The following ZNF79 variants were observed in gnomAD, a reference collection of about 807,000 sequenced individuals.
The protein encoded by ZNF79 is zinc finger protein 79, also known as ZNFpT7.
Under a neutral mutation model 14.9 loss-of-function variants are expected in ZNF79, and 13 were observed. That is an observed-to-expected ratio of 0.87 (90% CI 0.57 to 1.38). The LOEUF (loss-of-function observed/expected upper bound fraction) is 1.38. Among genes scored for constraint, ZNF79 ranks in the 40% most tolerant of loss-of-function variants. The pLI is 0.00. For synonymous variants in ZNF79, 223 were observed against 235.1 expected, an observed-to-expected ratio of 0.95 and a Z score of 0.47; for missense variants, 631 against 630.6, an observed-to-expected ratio of 1.00 and a Z score of -0.01.
At chr9:127,426,080 A>G (rs1192359066) in intron 1 of ZNF79, among the ~76,000 whole-genome samples, 6 of 152,234 alleles carry the variant, frequency 3.9e-5, no homozygotes, top group Admixed American at 3.3e-4. Flanking sequence ...GGTCTGTCCT[A>G]AGATCAGGAT....
chr9:127,434,941 C>A, intron 2 of ZNF79, 149 bp from the exon 3 acceptor site: 1 of 883,054 alleles, frequency 1.1e-6, no homozygotes, highest in Non-Finnish European at 1.7e-6. Context: ...CAGGCGTGAG[C>A]CACCGCACCT....
At chr9:127,435,320 G>A (rs930846372) in intron 3 of ZNF79, 104 bp downstream of exon 3, 2 of 1,324,774 alleles carry the variant, frequency 1.5e-6, no homozygotes, top group East Asian at 2.6e-5. Flanking sequence ...ATGTACCAGA[G>A]GGATGGTGTT....
Position 127,435,953 on chromosome 9 carries a change from G to A in ZNF79, c.278G>A (p.Arg93Lys), listed in dbSNP as rs1342475344. 6.8e-6 allele frequency: 11 copies of A among 1,614,122 alleles called. No homozygotes were observed. The highest frequency in any genetic ancestry group is 8.5e-6 in the Non-Finnish European group (10 of 1,180,046). Residue 93 changes from arginine to lysine, a missense_variant, in exon 4 of 5, where the codon AGG (arginine) becomes AAG (lysine). Transcript: ENST00000342483. ...GGCATGAACTCCCAGTTGGAACAAA[G>A]GGAAGGCGCATGGATGCTGGAGGGC... The part of the protein sequence containing the change: ...QPGMNSQLEQ[R>K]EGAWMLEGED...
intron 2 of ZNF79, among the ~76,000 whole-genome samples, chr9:127,433,162 C>G (rs1019518073): frequency 6.6e-6 from 1 of 152,110 alleles, no homozygotes; most frequent in African/African-American, 2.4e-5. Flanking sequence ...ATTGGAAGAG[C>G]AGGTAAAATC....
Position 127,445,114 on chromosome 9 carries a change from C to G in ZNF79, c.1414C>G (p.Pro472Ala), listed in dbSNP as rs1834143822. ...QHQRIHTGVK[P>A]YECSECGKAF... is the part of the protein sequence containing the mutation. The stretch of plus-strand genomic sequence containing the variant: ...TCAGAGAATCCACACAGGCGTGAAA[C>G]CCTACGAATGCAGCGAGTGTGGGAA... The change falls in exon 5 of 5, where the codon CCC becomes GCC. Residue 472 changes from proline to alanine, a missense_variant. Pro to Ala is a conservative substitution (Grantham distance 27). Coordinates refer to ENST00000342483, the MANE Select transcript of ZNF79 (RefSeq NM_007135.3). The G allele has an allele frequency of 1.9e-6, 3 of 1,614,110 alleles. No individual in the cohort carries two copies. The Admixed American group carries it at 5.0e-5, about 27-fold the overall frequency.
At chr9:127,428,991 T>A (rs922696234) in intron 2 of ZNF79, 71 bp downstream of exon 2, 2 of 1,049,280 alleles carry the variant, frequency 1.9e-6, no homozygotes, top group Non-Finnish European at 2.7e-6. Flanking sequence ...GTTGCCTTGT[T>A]TTTTGTTGTC....
intron 2 of ZNF79, among the ~76,000 whole-genome samples, chr9:127,431,052 G>A (rs549709413): frequency 5.9e-5 from 9 of 152,022 alleles, no homozygotes; most frequent in Middle Eastern, 3.4e-3. Context: ...CATTTTTTTC[G>A]TCTCTTTTTT....
Position 127,444,490 on chromosome 9 carries a change from C to T in ZNF79, c.790C>T (p.Leu264Phe). ...CGRAFSQNANLTKHQRTHTGE... is the reference protein window; with the variant it reads ...CGRAFSQNANFTKHQRTHTGE... ...AAGAGCCTTCAGCCAGAACGCCAAC[C>T]TCACCAAACACCAGCGAACCCACAC... The change falls in exon 5 of 5, where the codon CTC becomes TTC. Residue 264 changes from leucine to phenylalanine, a missense_variant. Coordinates refer to ENST00000342483, the MANE Select transcript of ZNF79 (RefSeq NM_007135.3). 1 of 1,610,968 alleles carries T rather than the reference C, an allele frequency of 6.2e-7. No homozygotes were observed. The highest frequency in any genetic ancestry group is 8.5e-7 in the Non-Finnish European group (1 of 1,177,286).
At chr9:127,435,415 C>A (rs1382594944) in intron 3 of ZNF79, among the ~76,000 whole-genome samples, 199 bp downstream of exon 3, 1 of 152,170 alleles carries the variant, frequency 6.6e-6, no homozygotes, top group Non-Finnish European at 1.5e-5. Context: ...AAGGCTGCAC[C>A]TCCCCATTCT....
intron 4 of ZNF79, among the ~76,000 whole-genome samples, chr9:127,440,246 C>T (rs72767930): frequency 1.2e-4 from 18 of 151,984 alleles, no homozygotes; most frequent in Non-Finnish European, 2.2e-4. Flanking sequence ...AAGGCTGAGT[C>T]GGGAATAGAA....
Position 127,443,159 on chromosome 9 carries a change from G to C in ZNF79, c.329-870G>C, listed in dbSNP as rs1236045396. On this transcript the variant is annotated intron_variant, in intron 4 of 4. Coordinates refer to ENST00000342483, the MANE Select transcript of ZNF79 (RefSeq NM_007135.3). ...AATAACTATTAAAAGCATAGTATAG[G>C]CTGGGTGTGGTGGCTCACACCTATA... 2.6e-5 allele frequency among the ~76,000 whole-genome samples: 4 copies of C among 152,254 alleles called. No individual in the cohort carries two copies. The South Asian group carries it at 8.3e-4, about 32-fold the overall frequency.
At chr9:127,442,192 G>C (rs937647986) in intron 4 of ZNF79, among the ~76,000 whole-genome samples, 2 of 151,888 alleles carry the variant, frequency 1.3e-5, no homozygotes, top group African/African-American at 4.8e-5. Flanking sequence ...CCTGAGGTCA[G>C]GAGTTTAAGA....
intron 4 of ZNF79, among the ~76,000 whole-genome samples, chr9:127,439,182 C>G (rs1481940815): frequency 4.2e-5 from 1 of 24,090 alleles, no homozygotes; most frequent in African/African-American, 1.8e-4. Flanking sequence ...GGGTGAAATA[C>G]ACACACACAC....
At chr9:127,439,112 A>AAAAAAAAAGAG (rs1386608616) in intron 4 of ZNF79, among the ~76,000 whole-genome samples, 1 of 28,010 alleles carries the variant, frequency 3.6e-5, no homozygotes, top group Non-Finnish European at 8.3e-5. Context: ...ACTCTGTCAC[A>AAAAAAAAAGAG]AAAAAAAAGA....
rs539364640 is a variant in ZNF79 at position 127,443,833 on chromosome 9, G to A, written c.329-196G>A. ...GGAGAATGGCGTGAACCCAGGAGGC[G>A]GAGGTTGCAGTGAGCTGAGATCGTG... On this transcript the variant is annotated intron_variant, in intron 4 of 4. Transcript: ENST00000342483. 7.3e-5 allele frequency among the ~76,000 whole-genome samples: 11 copies of A among 151,430 alleles called. No homozygotes were observed. The South Asian group carries it at 8.4e-4, about 12-fold the overall frequency.
At chr9:127,428,959 C>T (rs763502468) in intron 2 of ZNF79, 39 bp downstream of exon 2, 68 of 1,400,946 alleles carry the variant, frequency 4.9e-5, no homozygotes, top group Non-Finnish European at 6.3e-5. Context: ...TCCTTTTCTT[C>T]CCCCCTAATA....
chr9:127,439,831 G>A (rs759856405), intron 4 of ZNF79, among the ~76,000 whole-genome samples: 5 of 152,148 alleles, frequency 3.3e-5, no homozygotes, highest in Admixed American at 1.3e-4. Context: ...TTACATCTTC[G>A]TGAAGGACAT....
At chr9:127,430,498 C>T (rs1393428523) in intron 2 of ZNF79, among the ~76,000 whole-genome samples, 1 of 152,188 alleles carries the variant, frequency 6.6e-6, no homozygotes, top group Non-Finnish European at 1.5e-5. Context: ...TTAGCTTCCC[C>T]ACTTATCAAT....
intron 4 of ZNF79, among the ~76,000 whole-genome samples, chr9:127,438,228 C>G (rs1031533027): frequency 2.0e-5 from 3 of 152,198 alleles, no homozygotes; most frequent in African/African-American, 7.2e-5. Context: ...CACAAGGCAC[C>G]CCCTGCCCCT....
Sources: gnomAD v4.1 joint callset for allele counts (sites outside exome capture counted in the v4.1 genomes callset) on GRCh38, gnomAD v4.1.1 for gene constraint, MANE v1.5 for transcripts, NCBI Gene and HGNC (gene_info 2026-07-23, HGNC 2026-07-21) for gene names.